Variants in FSBP observed in about 807,000 individuals in gnomAD.
The protein encoded by FSBP is fibrinogen silencer-binding protein.
Under a neutral mutation model 24.6 loss-of-function variants are expected in FSBP, and 18 were observed. The observed-to-expected ratio is 0.73, with a 90% CI of 0.51 to 1.08. FSBP has a LOEUF of 1.08. FSBP is among the 50% of genes least tolerant of loss of function. FSBP has a pLI of 0.00. For synonymous variants in FSBP, 110 were observed against 125.8 expected, an observed-to-expected ratio of 0.87 and a Z score of 0.84; for missense variants, 305 against 347.6, an observed-to-expected ratio of 0.88 and a Z score of 0.98.
In FSBP at chr8:94,427,823, A is replaced by G; in HGVS notation, c.*4308T>C. On this transcript the variant is annotated 3_prime_UTR_variant, in exon 2 of 2. Coordinates refer to ENST00000481490, the MANE Select transcript of FSBP (RefSeq NM_001256141.2). ...ATTTATTACACTCTAAGTTATTTAA[A>G]CATGTGTATTTAAAAGTTGACATTA... 4.2e-6 allele frequency: 4 copies of G among 963,202 alleles called. No individual in the cohort carries two copies. Among genetic ancestry groups the G allele is most frequent in the Non-Finnish European group, 4.9e-6 (4 of 809,716 alleles). The allele number at this position is 963,202 out of a possible 1,614,324, so 59.7% of individuals were successfully genotyped here. A position where few individuals can be genotyped will look rare whatever the true frequency, so the allele number is the denominator to read the frequency against.
In FSBP at chr8:94,430,226, G is replaced by A. The variant is rs947095212; in HGVS notation, c.*1905C>T. 22 of 722,350 alleles carry A rather than the reference G, an allele frequency of 3.0e-5. No homozygotes were observed. Among genetic ancestry groups the A allele is most frequent in the Admixed American group, 1.3e-4 (2 of 15,678 alleles). 44.7% of individuals were successfully genotyped at this position (722,350 alleles called of 1,614,324 possible). A position where few individuals can be genotyped will look rare whatever the true frequency, so the allele number is the denominator to read the frequency against. On this transcript the variant is annotated 3_prime_UTR_variant, in exon 2 of 2. Transcript: ENST00000481490. ...CTTGGGAAGCTGAAGCAGGAGAATC[G>A]CTTGAACCCAGGAAACGGAGATTGC...
Position 94,431,077 on chromosome 8 carries a change from C to T in FSBP, c.*1054G>A. The T allele has an allele frequency of 2.0e-6, 2 of 985,088 alleles. No homozygotes were observed. The highest frequency in any genetic ancestry group is 2.4e-6 in the Non-Finnish European group (2 of 829,810). 61.0% of individuals were successfully genotyped at this position (985,088 alleles called of 1,614,324 possible). On this transcript the variant is annotated 3_prime_UTR_variant, in exon 2 of 2. Coordinates refer to ENST00000481490, the MANE Select transcript of FSBP (RefSeq NM_001256141.2). ...CTTAAAAATCCCTTCTCAACAAAAC[C>T]CCAGCAAAAATAGAAATTCTTAAGT...
At position 94,429,070 on chromosome 8, in the gene FSBP, C is replaced by A. The variant is rs2130093532; in HGVS notation, c.*3061G>T. ...TTTTGCAAATTAAAAGTAAACAAGA[C>A]TGACTTGGAGAAAAACAAGATTGAC... On this transcript the variant is annotated 3_prime_UTR_variant, in exon 2 of 2. Coordinates refer to ENST00000481490, the MANE Select transcript of FSBP (RefSeq NM_001256141.2). 2 of 985,266 alleles carry A rather than the reference C, an allele frequency of 2.0e-6. No individual in the cohort carries two copies. The highest frequency in any genetic ancestry group is 4.7e-5 in the South Asian group (1 of 21,278). 61.0% of individuals were successfully genotyped at this position (985,266 alleles called of 1,614,324 possible). A position where few individuals can be genotyped will look rare whatever the true frequency, so the allele number is the denominator to read the frequency against.
rs1280821436 is a variant in FSBP, at chr8:94,436,687, G to C, written c.182C>G (p.Pro61Arg). ...VNYNAIGVDR[P>R]PRTAQGLRTL... is the part of the protein sequence containing the mutation. ...GCGTAGGCCCTGTGCTGTTCGAGGA[G>C]GGCGGTCTACTCCAATTGCATTATA... Residue 61 changes from proline (P) to arginine (R), a missense_variant, in exon 1 of 2, where the codon CCT becomes CGT. Transcript: ENST00000481490. 1 of 1,550,642 alleles carries C rather than the reference G, an allele frequency of 6.4e-7. No homozygotes were observed. Among genetic ancestry groups the C allele is most frequent in the East Asian group, 2.4e-5 (1 of 40,918 alleles).
rs373474479 is a variant in FSBP, at chr8:94,428,719, T to C, written c.*3412A>G. The C allele has an allele frequency of 6.2e-6, 6 of 974,986 alleles. No homozygotes were observed. Among genetic ancestry groups the C allele is most frequent in the African/African-American group, 5.3e-5 (3 of 56,974 alleles). 60.4% of individuals were successfully genotyped at this position (974,986 alleles called of 1,614,324 possible). A position where few individuals can be genotyped will look rare whatever the true frequency, so the allele number is the denominator to read the frequency against. ...AATCTGCAGATGTGAAACCTGCAGA[T>C]AGAAAGCCAAGTGTACATTCCATTG... On this transcript the variant is annotated 3_prime_UTR_variant, in exon 2 of 2. Coordinates refer to ENST00000481490, the MANE Select transcript of FSBP (RefSeq NM_001256141.2).
chr8:94,432,769 A>G, intron 1 of FSBP, 113 bp from the exon 2 acceptor site: 2 of 1,288,600 alleles, frequency 1.6e-6, no homozygotes, highest in South Asian at 5.0e-5. Context: ...AAAACTATAA[A>G]GTTACAAAAT....
Position 94,428,351 on chromosome 8 carries a change from T to C in FSBP, c.*3780A>G, listed in dbSNP as rs1230544094. 7.1e-6 allele frequency: 7 copies of C among 980,458 alleles called. No individual in the cohort carries two copies. The highest frequency in any genetic ancestry group is 8.5e-6 in the Non-Finnish European group (7 of 825,542). 60.7% of individuals were successfully genotyped at this position (980,458 alleles called of 1,614,324 possible). On this transcript the variant is annotated 3_prime_UTR_variant, in exon 2 of 2. Transcript: ENST00000481490. ...TATGCAAGATGTCTGGTGGCTTAAG[T>C]GTATAGTCATCCCTCAGTATCCAAG... is the stretch of plus-strand genomic sequence containing the variant.
In FSBP at chr8:94,428,800, A is replaced by G. The variant is rs889662068; in HGVS notation, c.*3331T>C. ...TTAATGAAACTTGTCCTCAACAAAA[A>G]CTGCTAATGTTAGTTGGTAAGTAGT... On this transcript the variant is annotated 3_prime_UTR_variant, in exon 2 of 2. Coordinates refer to ENST00000481490, the MANE Select transcript of FSBP (RefSeq NM_001256141.2). The G allele has an allele frequency of 1.3e-5, 13 of 985,280 alleles. No homozygotes were observed. Among genetic ancestry groups the G allele is most frequent in the Non-Finnish European group, 1.6e-5 (13 of 829,864 alleles). 61.0% of individuals were successfully genotyped at this position (985,280 alleles called of 1,614,324 possible). A position where few individuals can be genotyped will look rare whatever the true frequency, so the allele number is the denominator to read the frequency against.
intron 1 of FSBP, among the ~76,000 whole-genome samples, chr8:94,435,370 A>G (rs1302827312): frequency 6.6e-6 from 1 of 152,076 alleles, no homozygotes; most frequent in East Asian, 1.9e-4. Flanking sequence ...CTAGTAAATT[A>G]CCAAAATAAC....
rs1811985707 is a variant in FSBP, at chr8:94,427,948, T to A, written c.*4183A>T. 1 of 906,484 alleles carries A rather than the reference T, an allele frequency of 1.1e-6. No homozygotes were observed. Among genetic ancestry groups the A allele is most frequent in the Non-Finnish European group, 1.3e-6 (1 of 758,670 alleles). The allele number at this position is 906,484 out of a possible 1,614,324, so 56.2% of individuals were successfully genotyped here. ...TGACTCCTTAAAAAAAAAAATGAAA[T>A]AACACCAAGTTAATATCTCATCATA... On this transcript the variant is annotated 3_prime_UTR_variant, in exon 2 of 2. Coordinates refer to ENST00000481490, the MANE Select transcript of FSBP (RefSeq NM_001256141.2).
Position 94,430,929 on chromosome 8 carries a change from G to A in FSBP, c.*1202C>T, listed in dbSNP as rs542569823. 2.4e-5 allele frequency: 24 copies of A among 985,286 alleles called. No homozygotes were observed. The South Asian group carries it at 8.5e-4, about 35-fold the overall frequency. The allele number at this position is 985,286 out of a possible 1,614,324, so 61.0% of individuals were successfully genotyped here. A position where few individuals can be genotyped will look rare whatever the true frequency, so the allele number is the denominator to read the frequency against. On this transcript the variant is annotated 3_prime_UTR_variant, in exon 2 of 2. Transcript: ENST00000481490. ...ATCAATGGCTTAGCACTGCATTTGTGCTTATATACTCAATCCACTTTTTCC... is the reference window on the plus strand; with the variant it reads ...ATCAATGGCTTAGCACTGCATTTGTACTTATATACTCAATCCACTTTTTCC...
In FSBP at chr8:94,431,014, C is replaced by T; in HGVS notation, c.*1117G>A. 2.0e-6 allele frequency: 2 copies of T among 985,336 alleles called. No homozygotes were observed. Among genetic ancestry groups the T allele is most frequent in the Non-Finnish European group, 2.4e-6 (2 of 829,906 alleles). The allele number at this position is 985,336 out of a possible 1,614,324, so 61.0% of individuals were successfully genotyped here. A position where few individuals can be genotyped will look rare whatever the true frequency, so the allele number is the denominator to read the frequency against. ...GACTTCAAACACCCATGGTCCCCTTCACTGCTGAAATTACACCCACCCCAT... is the reference window on the plus strand; with the variant it reads ...GACTTCAAACACCCATGGTCCCCTTTACTGCTGAAATTACACCCACCCCAT... On this transcript the variant is annotated 3_prime_UTR_variant, in exon 2 of 2. Coordinates refer to ENST00000481490, the MANE Select transcript of FSBP (RefSeq NM_001256141.2).
chr8:94,429,114 T>G lies in FSBP; in HGVS notation c.*3017A>C. 1 of 985,280 alleles carries G rather than the reference T, an allele frequency of 1.0e-6. No homozygotes were observed. Among genetic ancestry groups the G allele is most frequent in the African/African-American group, 1.7e-5 (1 of 57,368 alleles). 61.0% of individuals were successfully genotyped at this position (985,280 alleles called of 1,614,324 possible). A position where few individuals can be genotyped will look rare whatever the true frequency, so the allele number is the denominator to read the frequency against. Reference sequence around the variant, plus strand: ...GATTGACTTGGAAAAGTTGCTGCAGTAAACTCAAAGAGTGTGATTCTGGTG... The same window carrying G: ...GATTGACTTGGAAAAGTTGCTGCAGGAAACTCAAAGAGTGTGATTCTGGTG... On this transcript the variant is annotated 3_prime_UTR_variant, in exon 2 of 2. Coordinates refer to ENST00000481490, the MANE Select transcript of FSBP (RefSeq NM_001256141.2).
At position 94,431,354 on chromosome 8, in the gene FSBP, AAAAT is replaced by A; in HGVS notation, c.*773_*776del. 1 of 984,684 alleles carries A rather than the reference AAAAT, an allele frequency of 1.0e-6. No homozygotes were observed. Among genetic ancestry groups the A allele is most frequent in the Non-Finnish European group, 1.2e-6 (1 of 829,258 alleles). The allele number at this position is 984,684 out of a possible 1,614,324, so 61.0% of individuals were successfully genotyped here. ...ATACCTTATCTATTTTGCTGGAACA[AAAAT>A]AGAGAGAGAATGGGGGTAATTGATG... On this transcript the variant is annotated 3_prime_UTR_variant, in exon 2 of 2. Transcript: ENST00000481490.
chr8:94,428,152 T>C lies in FSBP; in HGVS notation c.*3979A>G, dbSNP rs1811991100. On this transcript the variant is annotated 3_prime_UTR_variant, in exon 2 of 2. Coordinates refer to ENST00000481490, the MANE Select transcript of FSBP (RefSeq NM_001256141.2). ...AAGATAGGAAAGTGGCTATCCACTA[T>C]CTAAATTACTAATATATTGGATGAA... The C allele has an allele frequency of 1.2e-6, 1 of 844,164 alleles. No homozygotes were observed. The highest frequency in any genetic ancestry group is 1.8e-5 in the African/African-American group (1 of 54,432). 52.3% of individuals were successfully genotyped at this position (844,164 alleles called of 1,614,324 possible).
At chr8:94,433,701 TG>T (rs1014982191) in intron 1 of FSBP, among the ~76,000 whole-genome samples, 3 of 152,024 alleles carry the variant, frequency 2.0e-5, no homozygotes, top group African/African-American at 7.2e-5. Context: ...TCCTTGAGGT[TG>T]TTTTTTTTAA....
In FSBP at chr8:94,432,393, C is replaced by G. The variant is rs781604631; in HGVS notation, c.638G>C (p.Arg213Thr). Residue 213 changes from arginine to threonine, a missense_variant, in exon 2 of 2, where the codon AGA (arginine) becomes ACA (threonine). Transcript: ENST00000481490. ...ACTCTCATGCCGAAAAAAATCATCT[C>G]TCCTTGGAATAGAAGATGGAGACGA... The part of the protein sequence containing the change: ...MTSSPSSIPR[R>T]DDFFRHESGE... 10 of 1,550,426 alleles carry G rather than the reference C, an allele frequency of 6.4e-6. No individual in the cohort carries two copies. In the South Asian group the frequency reaches 1.1e-4, roughly 17 times the overall value.
chr8:94,434,228 T>C, intron 1 of FSBP, among the ~76,000 whole-genome samples: 1 of 151,866 alleles, frequency 6.6e-6, no homozygotes. Flanking sequence ...GTATGTAAAA[T>C]AGAGAGTATA....
chr8:94,431,858 T>A lies in FSBP; in HGVS notation c.*273A>T. 1 of 1,109,622 alleles carries A rather than the reference T, an allele frequency of 9.0e-7. No individual in the cohort carries two copies. The highest frequency in any genetic ancestry group is 1.1e-6 in the Non-Finnish European group (1 of 902,910). 68.7% of individuals were successfully genotyped at this position (1,109,622 alleles called of 1,614,324 possible). On this transcript the variant is annotated 3_prime_UTR_variant, in exon 2 of 2. Coordinates refer to ENST00000481490, the MANE Select transcript of FSBP (RefSeq NM_001256141.2). ...ATGTGTTTGTATATGCATTTGTGTA[T>A]ATCTTAGTGATCAGAATAAAATATC...
Sources: allele counts gnomAD v4.1 joint callset (sites outside exome capture counted in the v4.1 genomes callset), GRCh38; gene constraint gnomAD v4.1.1; transcripts MANE v1.5; gene names NCBI Gene and HGNC (gene_info 2026-07-23, HGNC 2026-07-21).